FAM107B: variants seen among roughly 807,000 people sequenced by gnomAD.
The protein encoded by FAM107B is protein FAM107B.
A neutral mutation model predicts 31.5 loss-of-function variants in FAM107B; 21 were observed. The observed-to-expected ratio is 0.67, with a 90% confidence interval of 0.47 to 0.96. The LOEUF is 0.96. Among genes scored for constraint, FAM107B ranks in the 40% least tolerant of loss-of-function variants. The pLI is 0.00. For synonymous variants in FAM107B, 157 were observed against 141.5 expected (o/e 1.11, Z -0.78); for missense variants, 452 against 377.1 (o/e 1.20, Z -1.64).
intron 1 of FAM107B, among the ~76,000 whole-genome samples, chr10:14,758,247 T>A (rs376606075): frequency 1.3e-5 from 2 of 152,220 alleles, no homozygotes; most frequent in African/African-American, 4.8e-5. Context: ...CACCTGGTAG[T>A]GGGAACTGTT....
chr10:14,677,494 G>A (rs1424395077), intron 1 of FAM107B, among the ~76,000 whole-genome samples: 3 of 152,106 alleles, frequency 2.0e-5, no homozygotes, highest in African/African-American at 7.2e-5. Context: ...GGTGGTGGGC[G>A]CCTGTAGTCC....
intron 3 of FAM107B, among the ~76,000 whole-genome samples, chr10:14,527,501 G>A (rs1004017542): frequency 6.6e-6 from 1 of 152,234 alleles, no homozygotes; most frequent in Non-Finnish European, 1.5e-5. Context: ...TTGTAGCTAT[G>A]CGTAGCAAAG....
At chr10:14,757,215 A>G (rs1292732281) in intron 1 of FAM107B, among the ~76,000 whole-genome samples, 1 of 152,032 alleles carries the variant, frequency 6.6e-6, no homozygotes, top group African/African-American at 2.4e-5. Context: ...AAACCATACA[A>G]GTTGCTCTAG....
chr10:14,614,187 T>C (rs968992928), intron 2 of FAM107B, among the ~76,000 whole-genome samples: 3 of 152,094 alleles, frequency 2.0e-5, no homozygotes, highest in Non-Finnish European at 2.9e-5. Flanking sequence ...AAACAGTCGT[T>C]GTCCTGGGAG....
chr10:14,551,692 A>G (rs983348068), intron 2 of FAM107B, among the ~76,000 whole-genome samples: 7 of 109,522 alleles, frequency 6.4e-5, no homozygotes, highest in Admixed American at 8.4e-5. Context: ...TTAGCTCTGG[A>G]AAAAAAAATA....
intron 1 of FAM107B, among the ~76,000 whole-genome samples, chr10:14,711,096 A>G (rs2131537810): frequency 6.6e-6 from 1 of 152,264 alleles, no homozygotes; most frequent in South Asian, 2.1e-4. Context: ...TTTTTTTAGT[A>G]GAGATGGGGT....
chr10:14,548,353 C>T (rs976330644), intron 2 of FAM107B: 2 of 929,590 alleles, frequency 2.2e-6, no homozygotes, highest in South Asian at 4.9e-5. Context: ...GATGCTCTTC[C>T]GACTGCACCT....
chr10:14,570,093 A>G (rs1326579376), intron 2 of FAM107B, among the ~76,000 whole-genome samples: 1 of 152,260 alleles, frequency 6.6e-6, no homozygotes, highest in African/African-American at 2.4e-5. Flanking sequence ...TGCATTTATC[A>G]TTGCTACAGA....
At chr10:14,600,939 C>T (rs1245893493) in intron 2 of FAM107B, among the ~76,000 whole-genome samples, 1 of 152,016 alleles carries the variant, frequency 6.6e-6, no homozygotes, top group Non-Finnish European at 1.5e-5. Flanking sequence ...CCACACCCAG[C>T]TAATTTTTCG....
chr10:14,584,454 C>T (rs1246600275), intron 2 of FAM107B, among the ~76,000 whole-genome samples: 1 of 152,160 alleles, frequency 6.6e-6, no homozygotes, highest in Non-Finnish European at 1.5e-5. Flanking sequence ...TCCATTTTCA[C>T]CATAAACAAA....
chr10:14,613,702 T>A (rs986974096), intron 2 of FAM107B, among the ~76,000 whole-genome samples: 13 of 152,150 alleles, frequency 8.5e-5, no homozygotes, highest in Admixed American at 2.6e-4. Flanking sequence ...CTGCTTTCCT[T>A]CCGTCTGCCC....
In FAM107B at chr10:14,756,031, C is replaced by T. The variant is rs74228069; in HGVS notation, c.411+18222G>A. On this transcript the variant is annotated intron_variant, in intron 1 of 4. Coordinates refer to ENST00000181796, the MANE Select transcript of FAM107B (RefSeq NM_031453.4). ...ACTGTGAAAAATTTAAGGGCAGGGG[C>T]TCTTTTTTTCCTTTTTATCTATTAT... Among the ~76,000 whole-genome samples the T allele has an allele frequency of 8.5e-3, 1,294 of 152,206 alleles. 80 individuals carry two copies. The East Asian group carries it at 0.16, about 19-fold the overall frequency.
rs140685365 is a variant in FAM107B at position 14,709,710 on chromosome 10, T to C, written c.412-42019A>G. ...AGGTGAATGGCAAAACAAACTGTGG[T>C]ACATCCAGACAATGGGATATTATTC... is the stretch of plus-strand genomic sequence containing the variant. On this transcript the variant is annotated intron_variant, in intron 1 of 4. Transcript: ENST00000181796. Among the ~76,000 whole-genome samples, 844 of 152,318 alleles carry C rather than the reference T, an allele frequency of 5.5e-3. 34 individuals are homozygous for C. Among genetic ancestry groups the C allele is most frequent in the Admixed American group, 0.051 (778 of 15,302 alleles).
intron 2 of FAM107B, among the ~76,000 whole-genome samples, chr10:14,597,866 C>T: frequency 6.6e-6 from 1 of 152,172 alleles, no homozygotes; most frequent in Middle Eastern, 3.2e-3. Flanking sequence ...AGGAGAATCG[C>T]TTGAACCCAG....
chr10:14,743,217 T>C (rs1162299940), intron 1 of FAM107B, among the ~76,000 whole-genome samples: 1 of 152,198 alleles, frequency 6.6e-6, no homozygotes, highest in African/African-American at 2.4e-5. Flanking sequence ...TAATGGTTTT[T>C]TTCTTGTAAA....
At chr10:14,591,618 G>A (rs1187986781) in intron 2 of FAM107B, among the ~76,000 whole-genome samples, 2 of 152,120 alleles carry the variant, frequency 1.3e-5, no homozygotes, top group African/African-American at 4.8e-5. Context: ...GAATGCTAAC[G>A]GCATTGGGAG....
At chr10:14,734,775 T>TGCTCA (rs1462294909) in intron 1 of FAM107B, among the ~76,000 whole-genome samples, 3 of 152,168 alleles carry the variant, frequency 2.0e-5, no homozygotes, top group Non-Finnish European at 2.9e-5. Context: ...GATGGAGTCT[T>TGCTCA]GCTCAGTCAC....
chr10:14,739,863 A>G (rs1024604443), intron 1 of FAM107B, among the ~76,000 whole-genome samples: 7 of 152,182 alleles, frequency 4.6e-5, no homozygotes, highest in Middle Eastern at 3.2e-3. Flanking sequence ...ACACAGAAGG[A>G]GCAAGACAGA....
At chr10:14,628,914 G>A (rs1853246396) in intron 2 of FAM107B, among the ~76,000 whole-genome samples, 1 of 151,802 alleles carries the variant, frequency 6.6e-6, no homozygotes, top group Non-Finnish European at 1.5e-5. Context: ...AATAGATTTA[G>A]ACTCATGCTT....
Sources: gnomAD v4.1 joint callset for allele counts (sites outside exome capture counted in the v4.1 genomes callset) on GRCh38, gnomAD v4.1.1 for gene constraint, MANE v1.5 for transcripts, NCBI Gene and HGNC (gene_info 2026-07-23, HGNC 2026-07-21) for gene names.